Variants in ACBD6 observed in about 807,000 individuals in gnomAD.
The protein encoded by ACBD6 is acyl-CoA-binding domain-containing protein 6.
Under a neutral mutation model 37.2 loss-of-function variants are expected in ACBD6, and 28 were observed. The ratio of observed to expected loss-of-function variants is 0.75; its 90% CI spans 0.56 to 1.03. ACBD6 has a LOEUF of 1.03. Among genes scored for constraint, ACBD6 ranks in the 50% least tolerant of loss-of-function variants. The pLI is 0.00. For missense variants in ACBD6, 340 were observed against 337.4 expected (o/e 1.01, Z -0.06); for synonymous variants, 113 against 126.8 (o/e 0.89, Z 0.73).
intron 3 of ACBD6, among the ~76,000 whole-genome samples, chr1:180,456,749 C>T (rs555602858): frequency 3.0e-4 from 46 of 151,292 alleles, no homozygotes; most frequent in Admixed American, 5.9e-4. Flanking sequence ...TTTTTAACAC[C>T]GTCTTTCTCT....
At chr1:180,397,781 G>A (rs947233706) in intron 5 of ACBD6, among the ~76,000 whole-genome samples, 176 bp from the exon 6 acceptor site, 9 of 152,176 alleles carry the variant, frequency 5.9e-5, no homozygotes, top group Admixed American at 4.6e-4. Context: ...GGCAGGGCAT[G>A]GTGGCTCATG....
intron 6 of ACBD6, among the ~76,000 whole-genome samples, chr1:180,380,881 T>C (rs1431379220): frequency 6.6e-6 from 1 of 152,118 alleles, no homozygotes; most frequent in Non-Finnish European, 1.5e-5. Context: ...AATAATAACC[T>C]TAAATGTGAG....
intron 7 of ACBD6, among the ~76,000 whole-genome samples, chr1:180,302,501 G>C (rs1650170447): frequency 6.6e-6 from 1 of 151,862 alleles, no homozygotes; most frequent in Non-Finnish European, 1.5e-5. Flanking sequence ...GATCTTTGTT[G>C]GTTTAAAGTC....
intron 3 of ACBD6, among the ~76,000 whole-genome samples, chr1:180,465,924 G>GT (rs1438854077): frequency 6.6e-6 from 1 of 151,794 alleles, no homozygotes; most frequent in Admixed American, 6.6e-5. Context: ...ACCAAATACC[G>GT]TATGTTCTCA....
At position 180,271,932 on chromosome 1, in the gene ACBD6, G is replaced by C. The variant is rs765008063; in HGVS notation, c.*1293C>G. The C allele has an allele frequency of 4.0e-5, 64 of 1,613,200 alleles. No homozygotes were observed. Among genetic ancestry groups the C allele is most frequent in the Non-Finnish European group, 5.3e-5 (63 of 1,179,912 alleles). ...TTCTATAAGAGCGTCAAGAGGAGCC[G>C]GGGCAGCAGCAAGCAGGAGAAGGAG... On this transcript the variant is annotated 3_prime_UTR_variant, in exon 14 of 14. Transcript: ENST00000642319.
chr1:180,362,470 T>C (rs890764416), intron 6 of ACBD6, among the ~76,000 whole-genome samples: 1 of 152,196 alleles, frequency 6.6e-6, no homozygotes, highest in African/African-American at 2.4e-5. Flanking sequence ...TGTTTTGTCA[T>C]GTAACAATCA....
chr1:180,392,527 C>T (rs1440644799), intron 6 of ACBD6, among the ~76,000 whole-genome samples: 1 of 152,038 alleles, frequency 6.6e-6, no homozygotes, highest in Non-Finnish European at 1.5e-5. Flanking sequence ...TAGGCTTTGG[C>T]CTTCACTAGC....
At chr1:180,356,130 C>T (rs190621548) in intron 6 of ACBD6, among the ~76,000 whole-genome samples, 95 of 152,082 alleles carry the variant, frequency 6.2e-4, no homozygotes, top group African/African-American at 2.1e-3. Context: ...GCCTCGGCCT[C>T]CCAAAGTGCT....
At chr1:180,442,585 A>G (rs1261133486) in intron 3 of ACBD6, among the ~76,000 whole-genome samples, 1 of 152,160 alleles carries the variant, frequency 6.6e-6, no homozygotes, top group Admixed American at 6.5e-5. Flanking sequence ...CTGGGTCTCC[A>G]ATTATATGAA....
intron 7 of ACBD6, among the ~76,000 whole-genome samples, chr1:180,298,724 G>A (rs75804241): frequency 0.011 from 1,733 of 152,260 alleles, 39 homozygotes; most frequent in African/African-American, 0.039. Flanking sequence ...ATTTAAGGTG[G>A]CAAAACAGTA....
rs920425201 is a variant in ACBD6 at position 180,434,956 on chromosome 1, G to A, written c.385-4694C>T. ...AACATTGAGACCACCAAAGTCATGG[G>A]CAGTCTGTAAACCAAGTACAGATGG... On this transcript the variant is annotated intron_variant, in intron 3 of 7. Coordinates refer to ENST00000367595, the MANE Select transcript of ACBD6 (RefSeq NM_032360.4). 3.0e-5 allele frequency: 24 copies of A among 800,658 alleles called. No homozygotes were observed. The Admixed American group carries it at 4.1e-4, about 14-fold the overall frequency. 49.6% of individuals were successfully genotyped at this position (800,658 alleles called of 1,614,324 possible).
At chr1:180,466,522 C>G (rs1222376844) in intron 3 of ACBD6, among the ~76,000 whole-genome samples, 1 of 152,176 alleles carries the variant, frequency 6.6e-6, no homozygotes, top group Non-Finnish European at 1.5e-5. Context: ...GAGCTTGACA[C>G]TTTCCCAACA....
chr1:180,270,472 C>T (rs1330964810), exon 14 of ACBD6: 1 of 152,196 alleles, frequency 6.6e-6, no homozygotes. Flanking sequence ...GGAAACAAAC[C>T]TTTACATTCA....
intron 5 of ACBD6, among the ~76,000 whole-genome samples, chr1:180,406,668 T>C (rs541284845): frequency 6.6e-6 from 1 of 152,280 alleles, no homozygotes; most frequent in Non-Finnish European, 1.5e-5. Flanking sequence ...GCTTACTTTA[T>C]TATTATAATT....
chr1:180,314,568 G>C, intron 7 of ACBD6, 124 bp downstream of exon 7: 1 of 795,862 alleles, frequency 1.3e-6, no homozygotes, highest in Non-Finnish European at 2.0e-6. Context: ...TGAACAAAAA[G>C]TTATTGTATC....
intron 4 of ACBD6, 133 bp downstream of exon 4, chr1:180,430,047 G>A: frequency 1.3e-6 from 1 of 744,266 alleles, no homozygotes; most frequent in South Asian, 1.7e-5. Context: ...AAGAAGGAAT[G>A]CTTCACAAAT....
chr1:180,375,412 A>C (rs577738780), intron 6 of ACBD6, among the ~76,000 whole-genome samples: 1 of 152,212 alleles, frequency 6.6e-6, no homozygotes, highest in Non-Finnish European at 1.5e-5. Flanking sequence ...TGCAGTCTCG[A>C]TCTCCTGGGC....
At chr1:180,274,130 G>A in intron 10 of ACBD6, 2 of 1,607,088 alleles carry the variant, frequency 1.2e-6, no homozygotes, top group Non-Finnish European at 1.7e-6. Context: ...GTGAAGAGCA[G>A]GGGACCATCA....
At chr1:180,494,005 G>A (rs1160135738) in intron 2 of ACBD6, among the ~76,000 whole-genome samples, 3 of 152,158 alleles carry the variant, frequency 2.0e-5, no homozygotes, top group Admixed American at 6.5e-5. Context: ...CTGGGGGCAC[G>A]TGATGTTAGT....
Sources: allele counts gnomAD v4.1 joint callset (sites outside exome capture counted in the v4.1 genomes callset), GRCh38; gene constraint gnomAD v4.1.1; transcripts MANE v1.5; gene names NCBI Gene and HGNC (gene_info 2026-07-23, HGNC 2026-07-21).